Variants in IQCH observed in about 807,000 individuals in gnomAD.
IQCH encodes the protein IQ motif containing H, also known as IQ domain-containing protein H.
Under a neutral mutation model 117.0 loss-of-function variants are expected in IQCH, and 98 were observed. That is an observed-to-expected ratio of 0.84 (90% CI 0.71 to 0.99). The LOEUF is 0.99. Among genes scored for constraint, IQCH ranks in the 50% least tolerant of loss-of-function variants. The pLI, the probability that IQCH is intolerant of heterozygous loss-of-function variation, is 0.00. For missense variants in IQCH, 1,102 were observed against 1,243.8 expected, an observed-to-expected ratio of 0.89 and a Z score of 1.72; for synonymous variants, 412 against 448.2, an observed-to-expected ratio of 0.92 and a Z score of 1.02.
chr15:67,488,326 CAA>C (rs1158345686), intron 18 of IQCH, among the ~76,000 whole-genome samples: 1 of 151,894 alleles, frequency 6.6e-6, no homozygotes, highest in African/African-American at 2.4e-5. Flanking sequence ...CTCCAAAACA[CAA>C]AACAAACAAA....
intron 16 of IQCH, among the ~76,000 whole-genome samples, chr15:67,428,652 A>C (rs541313983): frequency 6.6e-6 from 1 of 152,072 alleles, no homozygotes; most frequent in African/African-American, 2.4e-5. Context: ...AGTTTGAGAC[A>C]AGCCTGACCA....
intron 7 of IQCH, among the ~76,000 whole-genome samples, chr15:67,358,157 CCT>C (rs1491447234): frequency 5.7e-5 from 3 of 52,974 alleles, no homozygotes; most frequent in African/African-American, 1.7e-4. Context: ...CCACGCCTGG[CCT>C]TTTTTTTTTT....
At chr15:67,289,887 T>G (rs1273710634) in intron 4 of IQCH, among the ~76,000 whole-genome samples, 1 of 152,108 alleles carries the variant, frequency 6.6e-6, no homozygotes, top group Non-Finnish European at 1.5e-5. Context: ...AAACAATATA[T>G]ATTACACAAA....
chr15:67,336,627 A>G (rs1410322605), intron 4 of IQCH, among the ~76,000 whole-genome samples: 2 of 152,150 alleles, frequency 1.3e-5, no homozygotes, highest in African/African-American at 2.4e-5. Flanking sequence ...TTTTGGTACA[A>G]AACTTTGCTG....
chr15:67,359,960 G>C lies in IQCH; in HGVS notation c.753+75G>C. The C allele has an allele frequency of 8.4e-7, 1 of 1,189,458 alleles. No homozygotes were observed. Among genetic ancestry groups the C allele is most frequent in the South Asian group, 1.2e-5 (1 of 80,112 alleles). 73.7% of individuals were successfully genotyped at this position (1,189,458 alleles called of 1,614,324 possible). A position where few individuals can be genotyped will look rare whatever the true frequency, so the allele number is the denominator to read the frequency against. ...CCCTTCCTTTTGCTGCAGGGCAAGA[G>C]TATGGGTGACTGCTTGACAGCTGGA... On this transcript the variant is annotated intron_variant, in intron 8 of 20. Transcript: ENST00000335894. This position sits in a 1 kb window ranked among gnomAD's most constrained non-coding sequence, Gnocchi z 4.5.
rs776111763 is a variant in IQCH at position 67,400,491 on chromosome 15, C to CTTTTCTTTTTTTTTTTTTTTT, written c.2097+190_2097+191insCTTTTTTTTTTTTTTTTTTTT. On this transcript the variant is annotated intron_variant, in intron 14 of 20. Transcript: ENST00000335894. ...TGGGATTGACTGAGTTCTTTTTTTTCTTTTTTTTTTTGAGATGGGGCCTCA... is the reference window on the plus strand; with the variant it reads ...TGGGATTGACTGAGTTCTTTTTTTTCTTTTCTTTTTTTTTTTTTTTTTTTTTTTTTTTGAGATGGGGCCTCA... Among the ~76,000 whole-genome samples, 18 of 115,570 alleles carry CTTTTCTTTTTTTTTTTTTTTT rather than the reference C, an allele frequency of 1.6e-4. 5 individuals are homozygous for CTTTTCTTTTTTTTTTTTTTTT. The highest frequency in any genetic ancestry group is 3.0e-4 in the South Asian group (1 of 3,362). The allele number at this position is 115,570 out of a possible 152,430, so 75.8% of individuals were successfully genotyped here.
chr15:67,302,165 C>T (rs762054212), intron 4 of IQCH, among the ~76,000 whole-genome samples: 9 of 152,116 alleles, frequency 5.9e-5, no homozygotes, highest in Admixed American at 1.3e-4. Flanking sequence ...AAAGCTTAGA[C>T]GTGATAGATG....
At chr15:67,336,860 G>C in intron 4 of IQCH, 115 bp from the exon 5 acceptor site, 1 of 970,164 alleles carries the variant, frequency 1.0e-6, no homozygotes, top group East Asian at 2.6e-5. Context: ...AGCTGATATT[G>C]CTACTTTATT....
At chr15:67,325,549 G>A (rs1213938534) in intron 4 of IQCH, among the ~76,000 whole-genome samples, 1 of 151,966 alleles carries the variant, frequency 6.6e-6, no homozygotes, top group Non-Finnish European at 1.5e-5. Flanking sequence ...TTTGAAGTAT[G>A]TACATATAAT....
In IQCH at chr15:67,430,558, A is replaced by G. The variant is rs1379147692; in HGVS notation, c.2505+8981A>G. Among the ~76,000 whole-genome samples the G allele has an allele frequency of 6.6e-6, 1 of 152,178 alleles. No individual in the cohort carries two copies. The highest frequency in any genetic ancestry group is 1.5e-5 in the Non-Finnish European group (1 of 68,038). On this transcript the variant is annotated intron_variant, in intron 16 of 20. Transcript: ENST00000335894. This position sits in a 1 kb window ranked among gnomAD's most constrained non-coding sequence, Gnocchi z 5.1. ...ATGAGATTTTTTTAATCCTTTAGAA[A>G]ATGTACTAGGCCTTGAATTTTTTTT...
rs1432426764 is a variant in IQCH at position 67,476,729 on chromosome 15, A to C, written c.2799+911A>C. On this transcript the variant is annotated intron_variant, in intron 18 of 20. Coordinates refer to ENST00000335894, the MANE Select transcript of IQCH (RefSeq NM_001031715.3). This position sits in a 1 kb window ranked among gnomAD's most constrained non-coding sequence, Gnocchi z 4.1. The stretch of plus-strand genomic sequence containing the variant: ...GAGACTCATGTTACTCCAGAAAAAT[A>C]GTTTCATGTTTTTCTACTTTGATTC... Among the ~76,000 whole-genome samples, 3 of 152,172 alleles carry C rather than the reference A, an allele frequency of 2.0e-5. No homozygotes were observed. The highest frequency in any genetic ancestry group is 2.9e-5 in the Non-Finnish European group (2 of 68,036).
rs1012180431 is a variant in IQCH, at chr15:67,388,543, T to C, written c.1457-288T>C. 6.6e-6 allele frequency among the ~76,000 whole-genome samples: 1 copy of C among 152,354 alleles called. No individual in the cohort carries two copies. Among genetic ancestry groups the C allele is most frequent in the Non-Finnish European group, 1.5e-5 (1 of 68,028 alleles). Reference sequence around the variant, plus strand: ...TGGGAGTTGTGTGGCTAAATCCCTATGTATTATTTGAAAGTACATTTCCAA... The same window carrying C: ...TGGGAGTTGTGTGGCTAAATCCCTACGTATTATTTGAAAGTACATTTCCAA... On this transcript the variant is annotated intron_variant, in intron 11 of 20. Coordinates refer to ENST00000335894, the MANE Select transcript of IQCH (RefSeq NM_001031715.3). This position sits in a 1 kb window ranked among gnomAD's most constrained non-coding sequence, Gnocchi z 5.5.
At chr15:67,377,766 A>G (rs1201377653) in intron 10 of IQCH, among the ~76,000 whole-genome samples, 2 of 152,170 alleles carry the variant, frequency 1.3e-5, no homozygotes, top group Non-Finnish European at 2.9e-5. Flanking sequence ...CCTTTAAAGT[A>G]AAAATAGAGG....
intron 4 of IQCH, among the ~76,000 whole-genome samples, chr15:67,333,074 G>A (rs916494989): frequency 6.6e-6 from 1 of 152,130 alleles, no homozygotes; most frequent in African/African-American, 2.4e-5. Context: ...TGGTGGAGGG[G>A]ACATAGCAGC....
At chr15:67,339,819 C>T (rs1269544463) in intron 5 of IQCH, among the ~76,000 whole-genome samples, 2 of 152,184 alleles carry the variant, frequency 1.3e-5, no homozygotes, top group African/African-American at 4.8e-5. Context: ...ATATAAGCCA[C>T]CTTACATTTG....
At position 67,427,029 on chromosome 15, in the gene IQCH, T is replaced by C. The variant is rs2081909241; in HGVS notation, c.2505+5452T>C. On this transcript the variant is annotated intron_variant, in intron 16 of 20. Coordinates refer to ENST00000335894, the MANE Select transcript of IQCH (RefSeq NM_001031715.3). The surrounding 1 kb of genome is among the most constrained non-coding windows in gnomAD (Gnocchi z 4.7). The stretch of plus-strand genomic sequence containing the variant: ...AATCCCAGAAACAGGAGGATCAAGA[T>C]AGTCTAGAGCAGGAGTTGGTAAACA... 1.3e-5 allele frequency among the ~76,000 whole-genome samples: 2 copies of C among 150,616 alleles called. No homozygotes were observed. Among genetic ancestry groups the C allele is most frequent in the African/African-American group, 4.9e-5 (2 of 41,102 alleles).
Position 67,310,909 on chromosome 15 carries a change from A to G in IQCH, c.388-26066A>G, listed in dbSNP as rs80043873. Among the ~76,000 whole-genome samples the G allele has an allele frequency of 2.7e-3, 410 of 152,272 alleles. 2 individuals are homozygous for G. The highest frequency in any genetic ancestry group is 9.4e-3 in the African/African-American group (389 of 41,580). The stretch of plus-strand genomic sequence containing the variant: ...AAAAGAAATTTAAATGGGATGTGAT[A>G]GAACATCCTAAAATGTTACATGACA... On this transcript the variant is annotated intron_variant, in intron 4 of 20. Coordinates refer to ENST00000335894, the MANE Select transcript of IQCH (RefSeq NM_001031715.3).
At position 67,454,083 on chromosome 15, in the gene IQCH, G is replaced by A. The variant is rs781073752; in HGVS notation, c.2506-11044G>A. On this transcript the variant is annotated intron_variant, in intron 16 of 20. Transcript: ENST00000335894. This position sits in a 1 kb window ranked among gnomAD's most constrained non-coding sequence, Gnocchi z 5.2. ...TGTTTTTTAAGCCCGTTGGAAAAGC[G>A]CAGTATTAGGGTGGGAGTGACCCGA... is the stretch of plus-strand genomic sequence containing the variant. Among the ~76,000 whole-genome samples the A allele has an allele frequency of 6.6e-6, 1 of 152,174 alleles. No homozygotes were observed.
chr15:67,475,674 A>C lies in IQCH; in HGVS notation c.2677-22A>C. 6.2e-7 allele frequency: 1 copy of C among 1,608,208 alleles called. No individual in the cohort carries two copies. The highest frequency in any genetic ancestry group is 8.5e-7 in the Non-Finnish European group (1 of 1,177,304). On this transcript the variant is annotated intron_variant, in intron 17 of 20. Transcript: ENST00000335894. The surrounding 1 kb of genome is among the most constrained non-coding windows in gnomAD (Gnocchi z 5.7). ...AAGTTTATTTAAATATCTGTTTAATATTCAGTTGTGCTCCTTTCCAGATGC... is the reference window on the plus strand; with the variant it reads ...AAGTTTATTTAAATATCTGTTTAATCTTCAGTTGTGCTCCTTTCCAGATGC...
Sources: allele counts gnomAD v4.1 joint callset (sites outside exome capture counted in the v4.1 genomes callset), GRCh38; gene constraint gnomAD v4.1.1; non-coding constraint Gnocchi (gnomAD v3.1); transcripts MANE v1.5; gene names NCBI Gene and HGNC (gene_info 2026-07-23, HGNC 2026-07-21).